The following SND1 variants were observed in gnomAD, a reference collection of about 807,000 sequenced individuals.
The protein encoded by SND1 is staphylococcal nuclease and tudor domain containing 1, also known as staphylococcal nuclease domain-containing protein 1.
A neutral mutation model predicts 121.7 loss-of-function variants in SND1; 38 were observed. That is an observed-to-expected ratio of 0.31 (90% CI 0.24 to 0.41). The LOEUF is 0.41. Ranked by LOEUF, SND1 falls within the 10% of genes least tolerant of loss-of-function variation. The pLI, the probability that SND1 is intolerant of heterozygous loss-of-function variation, is 1.00. For missense variants in SND1, 868 were observed against 1,184.6 expected, an observed-to-expected ratio of 0.73 and a Z score of 3.92; for synonymous variants, 401 against 447.4, an observed-to-expected ratio of 0.90 and a Z score of 1.31.
intron 14 of SND1, among the ~76,000 whole-genome samples, chr7:127,917,372 A>G (rs572022707): frequency 6.6e-6 from 1 of 152,302 alleles, no homozygotes; most frequent in Non-Finnish European, 1.5e-5. Flanking sequence ...ATTTGTATGC[A>G]TGCATGTATA....
intron 3 of SND1, 69 bp from the exon 4 acceptor site, chr7:127,698,806 C>T: frequency 8.1e-7 from 1 of 1,231,336 alleles, no homozygotes; most frequent in Non-Finnish European, 1.2e-6. Flanking sequence ...AAAGTGGTCC[C>T]ATTTGGGCTC....
At chr7:127,657,486 A>T (rs1015962845) in intron 1 of SND1, among the ~76,000 whole-genome samples, 1 of 152,040 alleles carries the variant, frequency 6.6e-6, no homozygotes, top group Non-Finnish European at 1.5e-5. Context: ...ACCATTGATG[A>T]TTTATTTTTT....
intron 10 of SND1, among the ~76,000 whole-genome samples, chr7:127,795,740 G>A (rs1387841244): frequency 1.7e-4 from 26 of 152,128 alleles, no homozygotes; most frequent in South Asian, 2.1e-4. Context: ...AACATTAGAC[G>A]CAGGCTGCCA....
At chr7:127,765,394 A>G (rs914265188) in intron 10 of SND1, among the ~76,000 whole-genome samples, 6 of 152,258 alleles carry the variant, frequency 3.9e-5, no homozygotes, top group African/African-American at 1.4e-4. Flanking sequence ...TCACTCAGAC[A>G]TATGTCTCAC....
At chr7:127,666,142 G>T (rs1424190697) in intron 1 of SND1, among the ~76,000 whole-genome samples, 1 of 152,206 alleles carries the variant, frequency 6.6e-6, no homozygotes, top group East Asian at 1.9e-4. Context: ...CTCCCCACAA[G>T]CTCTCAGCAG....
intron 20 of SND1, chr7:128,086,498 T>C (rs35584770): frequency 0.068 from 17,952 of 262,632 alleles, 821 homozygotes; most frequent in Middle Eastern, 0.17. Context: ...TGAACCCAGA[T>C]GCCTGGGCCA....
chr7:127,774,090 A>C (rs1053138818), intron 10 of SND1, among the ~76,000 whole-genome samples: 1 of 152,106 alleles, frequency 6.6e-6, no homozygotes, highest in African/African-American at 2.4e-5. Flanking sequence ...TTTTTTGAAA[A>C]GTTAACTATA....
intron 7 of SND1, 22 bp downstream of exon 7, chr7:127,703,345 G>A: frequency 1.2e-6 from 2 of 1,612,114 alleles, no homozygotes; most frequent in Non-Finnish European, 1.7e-6. Flanking sequence ...TGTGCAGACT[G>A]GGTGGTGATG....
At chr7:127,672,380 C>T (rs1228671005) in intron 1 of SND1, among the ~76,000 whole-genome samples, 1 of 151,896 alleles carries the variant, frequency 6.6e-6, no homozygotes, top group Non-Finnish European at 1.5e-5. Flanking sequence ...AGGCAGGAGG[C>T]AGGCAGATTA....
chr7:127,677,108 T>C lies in SND1; in HGVS notation c.79-9505T>C, dbSNP rs757194533. Among the ~76,000 whole-genome samples the C allele has an allele frequency of 3.4e-5, 5 of 145,554 alleles. No individual in the cohort carries two copies. In the South Asian group the frequency reaches 6.6e-4, roughly 19 times the overall value. On this transcript the variant is annotated intron_variant, in intron 1 of 23. Transcript: ENST00000354725. ...TTCTATTGTACATACTCTTCCAGTC[T>C]TTATAGCAGACCACACTTTGAGCCA... is the stretch of plus-strand genomic sequence containing the variant.
intron 16 of SND1, among the ~76,000 whole-genome samples, chr7:128,037,422 T>C (rs745800788): frequency 6.6e-6 from 1 of 152,202 alleles, no homozygotes; most frequent in Non-Finnish European, 1.5e-5. Context: ...GATCTCCTTA[T>C]CTCAAGATCC....
intron 13 of SND1, among the ~76,000 whole-genome samples, chr7:127,895,691 C>T (rs540946019): frequency 2.0e-5 from 3 of 152,148 alleles, no homozygotes; most frequent in South Asian, 2.1e-4. Flanking sequence ...TGCAGCTGAA[C>T]GTGGGGAAAT....
Position 127,683,960 on chromosome 7 carries a change from G to T in SND1, c.79-2653G>T, listed in dbSNP as rs373258989. Among the ~76,000 whole-genome samples, 92 of 152,322 alleles carry T rather than the reference G, an allele frequency of 6.0e-4. 4 individuals are homozygous for T. The South Asian group carries it at 0.018, about 30-fold the overall frequency. On this transcript the variant is annotated intron_variant, in intron 1 of 23. Transcript: ENST00000354725. ...AGGAGAGGGCATACAAAGGAGTTTTGCACAATTACTGTGTACAAGTTGTTT... is the reference window on the plus strand; with the variant it reads ...AGGAGAGGGCATACAAAGGAGTTTTTCACAATTACTGTGTACAAGTTGTTT...
chr7:127,934,992 G>T (rs999587747), intron 15 of SND1, among the ~76,000 whole-genome samples: 1 of 152,196 alleles, frequency 6.6e-6, no homozygotes, highest in African/African-American at 2.4e-5. Flanking sequence ...AGCCAAGGGA[G>T]TGAAGAATTC....
At chr7:127,923,249 C>T (rs568949132) in intron 14 of SND1, among the ~76,000 whole-genome samples, 41 of 152,302 alleles carry the variant, frequency 2.7e-4, no homozygotes, top group African/African-American at 9.1e-4. Context: ...TACAGGCATG[C>T]GCCACCCTGC....
In SND1 at chr7:128,029,526, A is replaced by G; in HGVS notation, c.1779+38470A>G. ...GGACATAGGGGGAGTCCGACACTTA[A>G]GTTCTGCCATCCGACCCTCAGAAAT... is the stretch of plus-strand genomic sequence containing the variant. On this transcript the variant is annotated intron_variant, in intron 16 of 23. Coordinates refer to ENST00000354725, the MANE Select transcript of SND1 (RefSeq NM_014390.4). This position sits in a 1 kb window ranked among gnomAD's most constrained non-coding sequence, Gnocchi z 4.2. The G allele has an allele frequency of 6.2e-7, 1 of 1,614,066 alleles. No homozygotes were observed. Among genetic ancestry groups the G allele is most frequent in the Non-Finnish European group, 8.5e-7 (1 of 1,180,026 alleles).
rs115718879 is a variant in SND1 at position 128,008,794 on chromosome 7, G to A, written c.1779+17738G>A. Among the ~76,000 whole-genome samples, 639 of 152,276 alleles carry A rather than the reference G, an allele frequency of 4.2e-3. 8 individuals carry two copies. Among genetic ancestry groups the A allele is most frequent in the African/African-American group, 0.015 (609 of 41,552 alleles). The stretch of plus-strand genomic sequence containing the variant: ...TTCTTGTTAGCAGTGATGTCTGTTC[G>A]TCTTTTAAGGGGTTGTCCAAGTGGG... On this transcript the variant is annotated intron_variant, in intron 16 of 23. Coordinates refer to ENST00000354725, the MANE Select transcript of SND1 (RefSeq NM_014390.4).
At chr7:127,743,176 CCTG>C (rs926078121) in intron 10 of SND1, among the ~76,000 whole-genome samples, 2 of 152,204 alleles carry the variant, frequency 1.3e-5, no homozygotes, top group Non-Finnish European at 2.9e-5. Context: ...TGATGGTGAG[CCTG>C]TTACAAGGGA....
rs766036491 is a variant in SND1 at position 128,029,102 on chromosome 7, G to C, written c.1779+38046G>C. On this transcript the variant is annotated intron_variant, in intron 16 of 23. Transcript: ENST00000354725. The surrounding 1 kb of genome is among the most constrained non-coding windows in gnomAD (Gnocchi z 4.2). ...CTTCATCCAGGCTGGTCTGCATCTT[G>C]TCAGTGGTGTCTGTCGCGGGTACTG... 2 of 1,614,160 alleles carry C rather than the reference G, an allele frequency of 1.2e-6. No individual in the cohort carries two copies. Among genetic ancestry groups the C allele is most frequent in the Middle Eastern group, 1.6e-4 (1 of 6,062 alleles).
Sources: gnomAD v4.1 joint callset for allele counts (sites outside exome capture counted in the v4.1 genomes callset) on GRCh38, gnomAD v4.1.1 for gene constraint, Gnocchi (gnomAD v3.1) non-coding constraint, MANE v1.5 for transcripts, NCBI Gene and HGNC (gene_info 2026-07-23, HGNC 2026-07-21) for gene names.